TSHR: variants seen among roughly 807,000 people sequenced by gnomAD.
TSHR encodes thyroid stimulating hormone receptor, also known as thyrotropin receptor.
Under a neutral mutation model 64.1 loss-of-function variants are expected in TSHR, and 51 were observed. That is an observed-to-expected ratio of 0.80 (90% CI 0.64 to 1.01). The LOEUF is 1.01. TSHR is among the 50% of genes least tolerant of loss of function. The pLI is 0.00. For missense variants in TSHR, 877 were observed against 942.8 expected (o/e 0.93, Z 0.91); for synonymous variants, 361 against 361.9 (o/e 1.00, Z 0.03).
chr14:81,006,598 C>T (rs1031255346), intron 1 of TSHR, among the ~76,000 whole-genome samples: 1 of 152,004 alleles, frequency 6.6e-6, no homozygotes, highest in Non-Finnish European at 1.5e-5. Flanking sequence ...CTGCAACCTC[C>T]AACTCCCTGG....
chr14:81,076,770 T>G (rs2139935152), intron 3 of TSHR, among the ~76,000 whole-genome samples: 1 of 152,370 alleles, frequency 6.6e-6, no homozygotes, highest in African/African-American at 2.4e-5. Flanking sequence ...ATGATAATTT[T>G]ATATCTTAAC....
At chr14:81,098,416 T>TAGAA (rs1889355931) in intron 7 of TSHR, among the ~76,000 whole-genome samples, 1 of 152,240 alleles carries the variant, frequency 6.6e-6, no homozygotes, top group Non-Finnish European at 1.5e-5. Context: ...GTTCTTTTTC[T>TAGAA]AATCTAGCAT....
At chr14:81,005,146 C>CAG (rs1889527030) in intron 1 of TSHR, among the ~76,000 whole-genome samples, 1 of 152,082 alleles carries the variant, frequency 6.6e-6, no homozygotes, top group African/African-American at 2.4e-5. Flanking sequence ...TTGTACTTGT[C>CAG]TATGCACTGG....
rs1161879777 is a variant in TSHR at position 81,122,020 on chromosome 14, C to CTTTTTTTTTTTTTTTTTT, written c.692+13592_692+13609dup. Among the ~76,000 whole-genome samples the CTTTTTTTTTTTTTTTTTT allele has an allele frequency of 8.9e-5, 4 of 44,880 alleles. 1 individual carries two copies. The highest frequency in any genetic ancestry group is 1.3e-3 in the East Asian group (2 of 1,528). The allele number at this position is 44,880 out of a possible 152,430, so 29.4% of individuals were successfully genotyped here. A position where few individuals can be genotyped will look rare whatever the true frequency, so the allele number is the denominator to read the frequency against. On this transcript the variant is annotated intron_variant, in intron 8 of 9. Transcript: ENST00000298171. ...CTGGTTTGAGATGTGTTTTCTTTTC[C>CTTTTTTTTTTTTTTTTTT]TTTTTTTTTTTTTTTTTTTTTTTTT...
At chr14:81,052,528 G>C (rs780375517) in intron 1 of TSHR, 16 of 152,132 alleles carry the variant, frequency 1.1e-4, no homozygotes, top group Admixed American at 7.9e-4. Context: ...TGGTTATTCA[G>C]GGTCTATTGT....
chr14:80,956,007 C>A, intron 1 of TSHR, 157 bp downstream of exon 1: 4 of 875,656 alleles, frequency 4.6e-6, no homozygotes, highest in South Asian at 1.5e-5. Flanking sequence ...TGTGTGTGTG[C>A]TAAAAACTTA....
In TSHR at chr14:81,035,490, A is replaced by G. The variant is rs896072775; in HGVS notation, c.171-26658A>G. On this transcript the variant is annotated intron_variant, in intron 1 of 9. Coordinates refer to ENST00000298171, the MANE Select transcript of TSHR (RefSeq NM_000369.5). The stretch of plus-strand genomic sequence containing the variant: ...ACGAGCTGCTTGGCTTTTTCTTCCA[A>G]TGCCGAGGATGCTGCTGATGCTGCC... Among the ~76,000 whole-genome samples the G allele has an allele frequency of 6.6e-5, 10 of 152,266 alleles. No individual in the cohort carries two copies. The East Asian group carries it at 1.2e-3, about 18-fold the overall frequency.
intron 1 of TSHR, among the ~76,000 whole-genome samples, chr14:80,975,835 G>A (rs905308149): frequency 6.6e-6 from 1 of 152,132 alleles, no homozygotes; most frequent in African/African-American, 2.4e-5. Flanking sequence ...ACAGGAGGCA[G>A]GGCTGCTGTT....
At chr14:81,084,948 T>C (rs1240206708) in intron 3 of TSHR, among the ~76,000 whole-genome samples, 1 of 152,194 alleles carries the variant, frequency 6.6e-6, no homozygotes, top group Non-Finnish European at 1.5e-5. Flanking sequence ...CTTCTTATGT[T>C]ACCTCTCTAT....
intron 2 of TSHR, among the ~76,000 whole-genome samples, chr14:81,067,324 A>C (rs1013629857): frequency 6.6e-6 from 1 of 151,960 alleles, no homozygotes; most frequent in African/African-American, 2.4e-5. Context: ...ATAAGAGTCG[A>C]CAACATGCCA....
At chr14:80,975,843 G>C (rs1411074555) in intron 1 of TSHR, among the ~76,000 whole-genome samples, 2 of 151,926 alleles carry the variant, frequency 1.3e-5, no homozygotes, top group Non-Finnish European at 2.9e-5. Context: ...CAGGGCTGCT[G>C]TTGCATAATG....
chr14:81,026,520 C>A (rs187693106), intron 1 of TSHR, among the ~76,000 whole-genome samples: 98 of 152,088 alleles, frequency 6.4e-4, no homozygotes, highest in Non-Finnish European at 1.2e-3. Flanking sequence ...AGGGCAACCA[C>A]CAAAAATATT....
At chr14:81,098,805 T>G (rs1004966162) in intron 7 of TSHR, among the ~76,000 whole-genome samples, 2 of 152,158 alleles carry the variant, frequency 1.3e-5, no homozygotes, top group Admixed American at 1.3e-4. Context: ...GAACTAGAAC[T>G]GCCTTTCCAG....
intron 8 of TSHR, among the ~76,000 whole-genome samples, chr14:81,123,869 T>A (rs1890908720): frequency 6.6e-6 from 1 of 152,314 alleles, no homozygotes; most frequent in Admixed American, 6.5e-5. Flanking sequence ...GCAATCTCAT[T>A]TTCCATTTTT....
At chr14:80,972,994 G>T (rs926976840) in intron 1 of TSHR, among the ~76,000 whole-genome samples, 3 of 152,060 alleles carry the variant, frequency 2.0e-5, no homozygotes, top group Non-Finnish European at 4.4e-5. Context: ...AACAGGCCTG[G>T]CTAAAGCTTG....
At chr14:81,089,610 T>C (rs1425326123) in intron 4 of TSHR, among the ~76,000 whole-genome samples, 1 of 152,042 alleles carries the variant, frequency 6.6e-6, no homozygotes, top group East Asian at 1.9e-4. Flanking sequence ...TATACAGTGT[T>C]TGGGGGTTCA....
At chr14:81,054,860 C>A (rs564128367) in intron 1 of TSHR, among the ~76,000 whole-genome samples, 1 of 152,220 alleles carries the variant, frequency 6.6e-6, no homozygotes, top group Non-Finnish European at 1.5e-5. Flanking sequence ...AAATTCACAG[C>A]CTGACAATGC....
chr14:81,042,005 T>C (rs1195394582), intron 1 of TSHR, among the ~76,000 whole-genome samples: 1 of 152,152 alleles, frequency 6.6e-6, no homozygotes, highest in African/African-American at 2.4e-5. Context: ...AAGACCTAAA[T>C]AGACATTTCT....
chr14:81,096,600 T>C (rs1307592514), intron 6 of TSHR, 39 bp from the exon 7 acceptor site: 1 of 1,602,812 alleles, frequency 6.2e-7, no homozygotes, highest in Non-Finnish European at 8.5e-7. Context: ...GCACCACTTC[T>C]CACCAGTCAC....
Sources: allele counts gnomAD v4.1 joint callset (sites outside exome capture counted in the v4.1 genomes callset), GRCh38; gene constraint gnomAD v4.1.1; transcripts MANE v1.5; gene names NCBI Gene and HGNC (gene_info 2026-07-23, HGNC 2026-07-21).